Variants in LSM5 observed in about 807,000 individuals in gnomAD.
The protein encoded by LSM5 is LSM5 homolog, U6 small nuclear RNA and mRNA degradation associated.
LSM5 carries 8 observed loss-of-function variants against 13.8 expected under a neutral mutation model. The ratio of observed to expected loss-of-function variants is 0.58; its 90% CI spans 0.34 to 1.04. The LOEUF (loss-of-function observed/expected upper bound fraction) is 1.04. LSM5 is among the 50% of genes least tolerant of loss of function. The pLI, the probability that LSM5 is intolerant of heterozygous loss-of-function variation, is 0.03. For synonymous variants in LSM5, 35 were observed against 37.0 expected (o/e 0.95, Z 0.20); for missense variants, 80 against 108.1 (o/e 0.74, Z 1.15).
intron 1 of LSM5, 170 bp downstream of exon 1, chr7:32,490,148 CGT>C: frequency 6.5e-7 from 1 of 1,543,628 alleles, no homozygotes; most frequent in South Asian, 1.2e-5. Flanking sequence ...AGCCCGACCA[CGT>C]TAAAGAGCAG....
chr7:32,488,034 G>C (rs1237176421), intron 3 of LSM5: 2 of 315,268 alleles, frequency 6.3e-6, no homozygotes, highest in African/African-American at 2.8e-5. Context: ...AATATGAAAT[G>C]AAATGTTTTT....
upstream of LSM5, among the ~76,000 whole-genome samples, chr7:32,491,950 GC>G (rs1198155490): frequency 4.4e-4 from 4 of 9,100 alleles, no homozygotes; most frequent in Non-Finnish European, 1.2e-3. Flanking sequence ...ACACTGTAGG[GC>G]GCCTAATGAA....
chr7:32,495,222 C>G (rs901345098), upstream of LSM5: 2 of 154,350 alleles, frequency 1.3e-5, no homozygotes, highest in African/African-American at 4.8e-5. Flanking sequence ...AGGTGTGCCA[C>G]GCCGCACCTC....
At chr7:32,490,842 T>G (rs1583464655), upstream of LSM5, 1 of 174,588 alleles carries the variant, frequency 5.7e-6, no homozygotes, top group East Asian at 1.8e-4. Flanking sequence ...TTTTTAAAAT[T>G]TTTCTTTAGT....
chr7:32,490,614 G>A (rs1786563755), upstream of LSM5: 1 of 545,902 alleles, frequency 1.8e-6, no homozygotes, highest in African/African-American at 1.9e-5. Flanking sequence ...GAGAGACGTT[G>A]AAGATATTTT....
chr7:32,488,659 T>C lies in LSM5; in HGVS notation c.143-7A>G, dbSNP rs767568050. The stretch of plus-strand genomic sequence containing the variant: ...ACATCTTCCAGTACCATATCTGAAA[T>C]TTGGTGTTAAGAAAATAAATACAGA... On this transcript the variant is annotated splice_region_variant and splice_polypyrimidine_tract_variant and intron_variant, in intron 2 of 4. Transcript: ENST00000450169. 5 of 1,587,844 alleles carry C rather than the reference T, an allele frequency of 3.1e-6. No homozygotes were observed. In the South Asian group the frequency reaches 4.4e-5, roughly 14 times the overall value.
upstream of LSM5, among the ~76,000 whole-genome samples, chr7:32,492,622 TATA>T (rs1406390259): frequency 6.6e-6 from 1 of 152,090 alleles, no homozygotes; most frequent in Non-Finnish European, 1.5e-5. Context: ...AAAGGAACGA[TATA>T]TAGTTCACTT....
rs760622425 is a variant in LSM5 at position 32,489,247 on chromosome 7, A to G, written c.142+2T>C. On this transcript the variant is annotated splice_donor_variant, in intron 2 of 4. Transcript: ENST00000450169. LOFTEE classifies it high-confidence loss of function. ...TACCACCACCACCTTTTAAAAGGAT[A>G]CTGACAAAGTCATCAAATCCTAGAA... 6.6e-7 allele frequency: 1 copy of G among 1,524,724 alleles called. No individual in the cohort carries two copies. Among genetic ancestry groups the G allele is most frequent in the South Asian group, 1.1e-5 (1 of 87,204 alleles). 94.4% of individuals were successfully genotyped at this position (1,524,724 alleles called of 1,614,324 possible). A position where few individuals can be genotyped will look rare whatever the true frequency, so the allele number is the denominator to read the frequency against.
rs115331989 is a variant in LSM5 at position 32,489,010 on chromosome 7, C to T, written c.142+239G>A. Among the ~76,000 whole-genome samples the T allele has an allele frequency of 2.8e-3, 424 of 152,348 alleles. 4 individuals carry two copies. The highest frequency in any genetic ancestry group is 9.7e-3 in the African/African-American group (404 of 41,582). On this transcript the variant is annotated intron_variant, in intron 2 of 4. Coordinates refer to ENST00000450169, the MANE Select transcript of LSM5 (RefSeq NM_012322.3). ...AAAGCGCTGGGATTATAGGCGTGAG[C>T]CACTGGGCTCGCCTGTTCAGTTTTA... is the stretch of plus-strand genomic sequence containing the variant.
At chr7:32,489,123 A>G in intron 2 of LSM5, 126 bp downstream of exon 2, 2 of 601,484 alleles carry the variant, frequency 3.3e-6, no homozygotes, top group Non-Finnish European at 3.0e-6. Flanking sequence ...CTCTTAAAAC[A>G]TTATCATAAG....
At chr7:32,493,476 A>C (rs142792819), upstream of LSM5, among the ~76,000 whole-genome samples, 62 of 152,024 alleles carry the variant, frequency 4.1e-4, no homozygotes, top group East Asian at 0.01. Context: ...AAAATCCTGG[A>C]AATTCCCTTG....
At chr7:32,487,977 TCAGA>T in intron 3 of LSM5, 1 of 468,384 alleles carries the variant, frequency 2.1e-6, no homozygotes, top group Non-Finnish European at 3.8e-6. Context: ...CCCACGTCTA[TCAGA>T]CAGAGCTTCA....
Position 32,485,567 on chromosome 7 carries a change from T to C in LSM5, c.*1694A>G, listed in dbSNP as rs1786418753. ...AGTAAGAAAAAGACAAACATCTCAA[T>C]GGCAAAAGCCTCAACAGATAAGTCA... On this transcript the variant is annotated 3_prime_UTR_variant, in exon 5 of 5. Transcript: ENST00000450169. The C allele has an allele frequency of 6.6e-6, 1 of 152,178 alleles. No homozygotes were observed. Among genetic ancestry groups the C allele is most frequent in the Non-Finnish European group, 1.5e-5 (1 of 68,030 alleles). 9.4% of individuals were successfully genotyped at this position (152,178 alleles called of 1,614,324 possible). A position where few individuals can be genotyped will look rare whatever the true frequency, so the allele number is the denominator to read the frequency against.
chr7:32,486,486 G>A lies in LSM5; in HGVS notation c.*775C>T, dbSNP rs934868547. On this transcript the variant is annotated 3_prime_UTR_variant, in exon 5 of 5. Coordinates refer to ENST00000450169, the MANE Select transcript of LSM5 (RefSeq NM_012322.3). ...ATATATTACCTGTTTGTTTTTAATA[G>A]GAGTTCTTTGACTTAATTTATACAG... The A allele has an allele frequency of 6.6e-6, 1 of 152,074 alleles. No individual in the cohort carries two copies. The highest frequency in any genetic ancestry group is 1.5e-5 in the Non-Finnish European group (1 of 68,020). The allele number at this position is 152,074 out of a possible 1,614,324, so 9.4% of individuals were successfully genotyped here.
intron 3 of LSM5, 37 bp downstream of exon 3, chr7:32,488,587 TA>T: frequency 7.0e-7 from 1 of 1,433,680 alleles, no homozygotes; most frequent in Non-Finnish European, 9.8e-7. Flanking sequence ...TGTCTTTAAT[TA>T]AGAAGAGATT....
chr7:32,493,438 G>A (rs1786636363), upstream of LSM5, among the ~76,000 whole-genome samples: 1 of 151,132 alleles, frequency 6.6e-6, no homozygotes. Context: ...ATTCTTAAGT[G>A]GTCCAGTCTG....
Position 32,488,586 on chromosome 7 carries a change from T to A in LSM5, c.170+39A>T, listed in dbSNP as rs1457089888. 9 of 1,424,238 alleles carry A rather than the reference T, an allele frequency of 6.3e-6. No individual in the cohort carries two copies. The African/African-American group carries it at 8.4e-5, about 13-fold the overall frequency. The allele number at this position is 1,424,238 out of a possible 1,614,324, so 88.2% of individuals were successfully genotyped here. On this transcript the variant is annotated intron_variant, in intron 3 of 4. Transcript: ENST00000450169. ...TCAAAAGTAGTAAAACTGTCTTTAATTAAGAAGAGATTCCCCCCAATTCTT... is the reference window on the plus strand; with the variant it reads ...TCAAAAGTAGTAAAACTGTCTTTAAATAAGAAGAGATTCCCCCCAATTCTT...
upstream of LSM5, among the ~76,000 whole-genome samples, chr7:32,492,175 A>G (rs1786609396): frequency 6.6e-6 from 1 of 152,038 alleles, no homozygotes; most frequent in African/African-American, 2.4e-5. Context: ...TCCCCATACC[A>G]TACTGACAGT....
upstream of LSM5, among the ~76,000 whole-genome samples, chr7:32,494,804 G>A (rs1240049032): frequency 3.9e-5 from 6 of 152,110 alleles, no homozygotes; most frequent in South Asian, 1.2e-3. Flanking sequence ...CGCAGGACTA[G>A]AATAATCATT....
Sources: gnomAD v4.1 joint callset for allele counts (sites outside exome capture counted in the v4.1 genomes callset) on GRCh38, gnomAD v4.1.1 for gene constraint, MANE v1.5 for transcripts, NCBI Gene and HGNC (gene_info 2026-07-23, HGNC 2026-07-21) for gene names.